Variants in FNDC3B observed in about 807,000 individuals in gnomAD.
The protein encoded by FNDC3B is fibronectin type III domain-containing protein 3B.
In FNDC3B, 12 loss-of-function variants were observed where a neutral mutation model predicts 151.5. That is an observed-to-expected ratio of 0.08 (90% CI 0.05 to 0.13). The LOEUF (loss-of-function observed/expected upper bound fraction) is 0.13. Among genes scored for constraint, FNDC3B ranks in the 10% least tolerant of loss-of-function variants. The pLI, the probability that FNDC3B is intolerant of heterozygous loss-of-function variation, is 1.00. For synonymous variants in FNDC3B, 528 were observed against 549.0 expected, an observed-to-expected ratio of 0.96 and a Z score of 0.54; for missense variants, 1,214 against 1,505.3, an observed-to-expected ratio of 0.81 and a Z score of 3.20.
chr3:172,183,742 G>A (rs991529698), intron 3 of FNDC3B, among the ~76,000 whole-genome samples: 6 of 152,092 alleles, frequency 3.9e-5, no homozygotes, highest in Non-Finnish European at 8.8e-5. Flanking sequence ...ACTGTAGGCG[G>A]GATGTGTTTT....
intron 16 of FNDC3B, chr3:172,338,328 A>AT (rs1254774494): frequency 6.6e-6 from 1 of 152,126 alleles, no homozygotes; most frequent in East Asian, 1.9e-4. Flanking sequence ...AAAAAAAAAA[A>AT]AAAAATTCTT....
intron 1 of FNDC3B, among the ~76,000 whole-genome samples, chr3:172,081,618 T>A (rs1386867569): frequency 2.0e-5 from 3 of 152,210 alleles, no homozygotes; most frequent in Admixed American, 6.5e-5. Context: ...GTTTTCTTTT[T>A]CCTTAGATCG....
chr3:172,072,515 T>C (rs994368315), intron 1 of FNDC3B, among the ~76,000 whole-genome samples: 1 of 152,208 alleles, frequency 6.6e-6, no homozygotes, highest in African/African-American at 2.4e-5. Flanking sequence ...AAAATCCTGT[T>C]TGATCACCAA....
intron 23 of FNDC3B, among the ~76,000 whole-genome samples, chr3:172,364,775 G>A (rs191067917): frequency 7.2e-5 from 11 of 152,278 alleles, no homozygotes; most frequent in Admixed American, 7.2e-4. Flanking sequence ...CCCTCAAAAA[G>A]CCCAAGGCTT....
chr3:172,222,235 A>G (rs1204463173), intron 3 of FNDC3B, among the ~76,000 whole-genome samples: 2 of 152,236 alleles, frequency 1.3e-5, no homozygotes, highest in Non-Finnish European at 2.9e-5. Flanking sequence ...TTATCAGATT[A>G]TAGACAAGCA....
At chr3:172,072,050 G>A (rs1418348369) in intron 1 of FNDC3B, among the ~76,000 whole-genome samples, 2 of 150,442 alleles carry the variant, frequency 1.3e-5, no homozygotes, top group African/African-American at 4.9e-5. Flanking sequence ...TTCATATGTC[G>A]GAAACTCATC....
chr3:172,065,503 C>G (rs1167392762), intron 1 of FNDC3B, among the ~76,000 whole-genome samples: 1 of 152,170 alleles, frequency 6.6e-6, no homozygotes, highest in Non-Finnish European at 1.5e-5. Context: ...GAAATGCCGC[C>G]TTGTTCAAAA....
At chr3:172,310,719 G>A in intron 10 of FNDC3B, 109 bp from the exon 11 acceptor site, 1 of 826,652 alleles carries the variant, frequency 1.2e-6, no homozygotes, top group Non-Finnish European at 2.1e-6. Flanking sequence ...TTATCCCCCT[G>A]AGGGGAGAGC....
At chr3:172,144,253 G>C (rs1721788468) in intron 3 of FNDC3B, among the ~76,000 whole-genome samples, 1 of 152,158 alleles carries the variant, frequency 6.6e-6, no homozygotes, top group Admixed American at 6.5e-5. Flanking sequence ...TCATCACCAT[G>C]GGGATGGTGC....
intron 18 of FNDC3B, 107 bp downstream of exon 18, chr3:172,343,223 T>A (rs1425506992): frequency 1.5e-6 from 1 of 671,584 alleles, no homozygotes; most frequent in Non-Finnish European, 2.7e-6. Context: ...ACCATATACG[T>A]TTTTGTCTGT....
chr3:172,057,297 G>A (rs1716963665), intron 1 of FNDC3B, among the ~76,000 whole-genome samples: 1 of 152,170 alleles, frequency 6.6e-6, no homozygotes, highest in South Asian at 2.1e-4. Context: ...CTCTGTCATG[G>A]TGTAAAGACA....
chr3:172,110,169 TCAGA>T (rs1719886387), intron 1 of FNDC3B, among the ~76,000 whole-genome samples: 1 of 152,192 alleles, frequency 6.6e-6, no homozygotes, highest in Non-Finnish European at 1.5e-5. Context: ...TTGTTGGTGT[TCAGA>T]CATTCTTCGG....
intron 1 of FNDC3B, among the ~76,000 whole-genome samples, chr3:172,087,547 C>A (rs1718609361): frequency 6.6e-6 from 1 of 152,038 alleles, no homozygotes; most frequent in African/African-American, 2.4e-5. Context: ...AAGCAAGAGA[C>A]CTTATCCTGC....
At position 172,397,434 on chromosome 3, in the gene FNDC3B, A is replaced by G. The variant is rs1736346819; in HGVS notation, c.3574A>G (p.Ile1192Val). ...IIVLGFATLS[I>V]LFAFILQYFL... ...TGTGCTTGGCTTTGCAACTTTGTCCATTTTATTTGCCTTTATATTACAGTA... is the reference window on the plus strand; with the variant it reads ...TGTGCTTGGCTTTGCAACTTTGTCCGTTTTATTTGCCTTTATATTACAGTA... Residue 1192 changes from isoleucine (I) to valine (V), a missense_variant, in exon 26 of 26, where the codon ATT becomes GTT. Physicochemically the swap from Ile to Val is conservative, Grantham distance 29. Transcript: ENST00000415807. 3.1e-6 allele frequency: 5 copies of G among 1,612,532 alleles called. 1 individual carries two copies. In the South Asian group the frequency reaches 3.3e-5, roughly 11 times the overall value.
intron 1 of FNDC3B, among the ~76,000 whole-genome samples, chr3:172,092,459 A>C (rs890502024): frequency 1.3e-5 from 2 of 152,202 alleles, no homozygotes; most frequent in Non-Finnish European, 2.9e-5. Context: ...TGGATGTAAA[A>C]CGTGGACTGA....
intron 11 of FNDC3B, chr3:172,317,302 G>C (rs1019449342): frequency 1.8e-5 from 6 of 326,972 alleles, no homozygotes; most frequent in Admixed American, 1.6e-4. Flanking sequence ...TCCTGCCTCA[G>C]CCTCCCGAGT....
At chr3:172,142,581 C>G (rs1300409260) in intron 3 of FNDC3B, among the ~76,000 whole-genome samples, 1 of 152,168 alleles carries the variant, frequency 6.6e-6, no homozygotes, top group Non-Finnish European at 1.5e-5. Context: ...ATTTTTTACT[C>G]TTGTTCTTGC....
chr3:172,361,652 C>A (rs1393071341), intron 22 of FNDC3B, among the ~76,000 whole-genome samples: 1 of 152,172 alleles, frequency 6.6e-6, no homozygotes, highest in Non-Finnish European at 1.5e-5. Context: ...TCTTCTGAGC[C>A]CTCCAGACTC....
intron 2 of FNDC3B, among the ~76,000 whole-genome samples, chr3:172,121,053 C>G (rs1720520117): frequency 6.6e-6 from 1 of 152,164 alleles, no homozygotes; most frequent in Non-Finnish European, 1.5e-5. Context: ...GAAGTTGCAG[C>G]CATTTGCTGT....
Sources: gnomAD v4.1 joint callset for allele counts (sites outside exome capture counted in the v4.1 genomes callset) on GRCh38, gnomAD v4.1.1 for gene constraint, MANE v1.5 for transcripts, NCBI Gene and HGNC (gene_info 2026-07-23, HGNC 2026-07-21) for gene names.